The following GNG2 variants were observed in gnomAD, a reference collection of about 807,000 sequenced individuals.
GNG2 encodes the protein guanine nucleotide-binding protein G(I)/G(S)/G(O) subunit gamma-2.
In GNG2, 5 loss-of-function variants were observed where a neutral mutation model predicts 5.5. The ratio of observed to expected loss-of-function variants is 0.91; its 90% confidence interval spans 0.48 to 1.92. GNG2 has a LOEUF of 1.92. Among genes scored for constraint, GNG2 ranks in the 30% most tolerant of loss-of-function variants. The pLI is 0.01. For synonymous variants in GNG2, 28 were observed against 32.0 expected, an observed-to-expected ratio of 0.88 and a Z score of 0.42; for missense variants, 55 against 88.4, an observed-to-expected ratio of 0.62 and a Z score of 1.52.
intron 2 of GNG2, among the ~76,000 whole-genome samples, chr14:51,944,887 A>G (rs759943774): frequency 3.9e-5 from 6 of 152,226 alleles, no homozygotes; most frequent in South Asian, 2.1e-4. Flanking sequence ...AACCACTTAT[A>G]TGATACAGAA....
intron 3 of GNG2, among the ~76,000 whole-genome samples, chr14:51,965,799 A>C (rs2140310173): frequency 6.6e-6 from 1 of 152,300 alleles, no homozygotes; most frequent in South Asian, 2.1e-4. Flanking sequence ...AATAATGGCT[A>C]GCCTGTGTGG....
At chr14:51,889,237 C>G (rs1884674837) in intron 2 of GNG2, among the ~76,000 whole-genome samples, 1 of 151,830 alleles carries the variant, frequency 6.6e-6, no homozygotes, top group Non-Finnish European at 1.5e-5. Flanking sequence ...CTCAGCCTCC[C>G]AAGTAGCTGG....
At position 51,955,603 on chromosome 14, in the gene GNG2, C is replaced by G. The variant is rs1193306318; in HGVS notation, c.87+4838C>G. The stretch of plus-strand genomic sequence containing the variant: ...TATAACAAAACATTACTATATTCCC[C>G]ATGACATTCCCAGTTACATTTATGG... On this transcript the variant is annotated intron_variant, in intron 3 of 3. Transcript: ENST00000556766. Among the ~76,000 whole-genome samples the G allele has an allele frequency of 3.9e-5, 6 of 152,278 alleles. No homozygotes were observed. The East Asian group carries it at 1.2e-3, about 29-fold the overall frequency.
At chr14:51,963,467 G>GTTAC (rs1179380510) in intron 3 of GNG2, among the ~76,000 whole-genome samples, 3 of 152,182 alleles carry the variant, frequency 2.0e-5, no homozygotes, top group African/African-American at 7.2e-5. Flanking sequence ...GTGTAACAAT[G>GTTAC]ACTATCGCTC....
At chr14:51,890,064 G>A (rs983406779) in intron 2 of GNG2, among the ~76,000 whole-genome samples, 3 of 152,190 alleles carry the variant, frequency 2.0e-5, no homozygotes, top group Non-Finnish European at 4.4e-5. Context: ...AAAAGAAGCC[G>A]GGAGATCAAA....
intron 2 of GNG2, among the ~76,000 whole-genome samples, chr14:51,894,647 G>GT (rs140364237): frequency 1.1e-4 from 17 of 151,348 alleles, no homozygotes; most frequent in East Asian, 3.9e-4. Flanking sequence ...TTACATTTCA[G>GT]TTTTTTTTTA....
chr14:51,916,063 T>A (rs538274673), intron 2 of GNG2: 29 of 153,208 alleles, frequency 1.9e-4, no homozygotes, highest in African/African-American at 6.5e-4. Context: ...TATTCCTGTT[T>A]GTTTCTTTAT....
chr14:51,968,997 A>G lies in GNG2; in HGVS notation c.*2310A>G, dbSNP rs966392918. The stretch of plus-strand genomic sequence containing the variant: ...ATTTTATGTCTTACAGTATGGAATT[A>G]TAATACGAAAATCTTTATATGAGTT... On this transcript the variant is annotated 3_prime_UTR_variant, in exon 4 of 4. Transcript: ENST00000556766. The G allele has an allele frequency of 6.6e-6, 1 of 152,222 alleles. No individual in the cohort carries two copies. Among genetic ancestry groups the G allele is most frequent in the Non-Finnish European group, 1.5e-5 (1 of 68,026 alleles). 9.4% of individuals were successfully genotyped at this position (152,222 alleles called of 1,614,324 possible).
chr14:51,919,404 C>T (rs1427531189), intron 2 of GNG2, among the ~76,000 whole-genome samples: 2 of 152,172 alleles, frequency 1.3e-5, no homozygotes, highest in Non-Finnish European at 2.9e-5. Context: ...AAACATAGCT[C>T]TTTACATATA....
intron 2 of GNG2, among the ~76,000 whole-genome samples, chr14:51,927,546 A>G (rs151206105): frequency 8.0e-4 from 122 of 152,322 alleles, no homozygotes; most frequent in African/African-American, 2.8e-3. Context: ...CTATCTTAGT[A>G]CAAATCACAC....
chr14:51,831,854 C>T (rs1283903266), intron 2 of GNG2, among the ~76,000 whole-genome samples: 6 of 152,112 alleles, frequency 3.9e-5, no homozygotes, highest in African/African-American at 1.4e-4. Flanking sequence ...AAGTGAAATA[C>T]ATTATAAAAT....
intron 2 of GNG2, chr14:51,914,371 C>G: frequency 5.9e-6 from 4 of 672,718 alleles, no homozygotes; most frequent in Non-Finnish European, 1.1e-5. Flanking sequence ...AGCTCCTGCT[C>G]TAATCCTTTC....
At chr14:51,950,465 G>A (rs930840926) in intron 2 of GNG2, among the ~76,000 whole-genome samples, 185 bp from the exon 3 acceptor site, 6 of 152,150 alleles carry the variant, frequency 3.9e-5, no homozygotes, top group African/African-American at 1.2e-4. Context: ...GGGAGAATTG[G>A]AAAATCAAAC....
At chr14:51,856,856 G>A (rs183164950), upstream of GNG2, among the ~76,000 whole-genome samples, 30 of 152,330 alleles carry the variant, frequency 2.0e-4, no homozygotes, top group South Asian at 4.1e-4. Flanking sequence ...CAAATATTCA[G>A]AATTTTGTGT....
At chr14:51,857,937 A>G (rs771339906), upstream of GNG2, among the ~76,000 whole-genome samples, 19 of 152,188 alleles carry the variant, frequency 1.2e-4, no homozygotes, top group African/African-American at 4.6e-4. Context: ...CATAGGAGAG[A>G]CATCAGGCCA....
chr14:51,868,964 C>A (rs1056039651), intron 1 of GNG2, among the ~76,000 whole-genome samples: 20 of 152,122 alleles, frequency 1.3e-4, no homozygotes, highest in Non-Finnish European at 2.8e-4. Context: ...TTTAAAATAA[C>A]CTTAGGTACT....
intron 3 of GNG2, among the ~76,000 whole-genome samples, chr14:51,961,329 A>G (rs1467557064): frequency 6.6e-6 from 1 of 151,926 alleles, no homozygotes; most frequent in South Asian, 2.1e-4. Flanking sequence ...AAGTATCCAG[A>G]CTACACCTGG....
chr14:51,877,144 C>T (rs1883730822), intron 1 of GNG2, among the ~76,000 whole-genome samples: 1 of 152,170 alleles, frequency 6.6e-6, no homozygotes, highest in Non-Finnish European at 1.5e-5. Flanking sequence ...CTCCACCCTC[C>T]TAAAGGGCCA....
chr14:51,886,101 A>T (rs1251677854), intron 2 of GNG2, among the ~76,000 whole-genome samples: 1 of 152,270 alleles, frequency 6.6e-6, no homozygotes, highest in Non-Finnish European at 1.5e-5. Flanking sequence ...CAACCAAAAA[A>T]TGGCTTAAAG....
Sources: allele counts gnomAD v4.1 joint callset (sites outside exome capture counted in the v4.1 genomes callset), GRCh38; gene constraint gnomAD v4.1.1; transcripts MANE v1.5; gene names NCBI Gene and HGNC (gene_info 2026-07-23, HGNC 2026-07-21).